The following ASPH variants were observed in gnomAD, a reference collection of about 807,000 sequenced individuals.
ASPH encodes aspartyl/asparaginyl beta-hydroxylase.
A neutral mutation model predicts 118.4 loss-of-function variants in ASPH; 100 were observed. The observed-to-expected ratio is 0.84, with a 90% CI of 0.72 to 1.00. ASPH has a LOEUF of 1.00. ASPH is among the 50% of genes least tolerant of loss of function. The probability of loss-of-function intolerance (pLI) is 0.00; values close to 1 mark genes in which losing one functional copy is unlikely to be tolerated. For missense variants in ASPH, 920 were observed against 919.5 expected (o/e 1.00, Z -0.01); for synonymous variants, 315 against 325.6 (o/e 0.97, Z 0.35).
At chr8:61,574,538 G>A (rs56194318) in intron 16 of ASPH, among the ~76,000 whole-genome samples, 11,237 of 151,628 alleles carry the variant, frequency 0.074, 619 homozygotes, top group East Asian at 0.27. Flanking sequence ...ATGAGTTCAC[G>A]TCTTTTACAG....
chr8:61,707,687 C>T (rs373305761), intron 1 of ASPH, among the ~76,000 whole-genome samples: 1 of 151,974 alleles, frequency 6.6e-6, no homozygotes, highest in East Asian at 1.9e-4. Flanking sequence ...AAGTGGCCTG[C>T]GATAGGATGG....
intron 12 of ASPH, among the ~76,000 whole-genome samples, chr8:61,637,638 C>A (rs1162064456): frequency 3.3e-5 from 5 of 152,168 alleles, no homozygotes; most frequent in Admixed American, 6.5e-5. Context: ...CCAGATCACC[C>A]CTCAGGGGTG....
intron 18 of ASPH, among the ~76,000 whole-genome samples, chr8:61,560,209 C>T (rs1829326564): frequency 6.6e-6 from 1 of 151,992 alleles, no homozygotes; most frequent in Non-Finnish European, 1.5e-5. Context: ...GCGGGTGAGT[C>T]AGGAGTGGCA....
intron 20 of ASPH, among the ~76,000 whole-genome samples, chr8:61,550,178 TA>T (rs1026414906): frequency 6.6e-6 from 1 of 152,114 alleles, no homozygotes; most frequent in Non-Finnish European, 1.5e-5. Flanking sequence ...AAAAAAAACC[TA>T]AACTACTTTA....
rs77580086 is a variant in ASPH, at chr8:61,707,210, A to G, written c.103+7059T>C. Reference sequence around the variant, plus strand: ...AAACACAGACTAGGAGAAGTCCTTTATCAAAAATAATCAAAAGGTTCAGGA... The same window carrying G: ...AAACACAGACTAGGAGAAGTCCTTTGTCAAAAATAATCAAAAGGTTCAGGA... On this transcript the variant is annotated intron_variant, in intron 1 of 24. Coordinates refer to ENST00000379454, the MANE Select transcript of ASPH (RefSeq NM_004318.4). Among the ~76,000 whole-genome samples, 1,039 of 151,784 alleles carry G rather than the reference A, an allele frequency of 6.8e-3. 9 individuals carry two copies. The highest frequency in any genetic ancestry group is 0.027 in the Middle Eastern group (8 of 294).
At chr8:61,518,835 CCAT>C (rs1379765676) in intron 22 of ASPH, among the ~76,000 whole-genome samples, 3 of 152,128 alleles carry the variant, frequency 2.0e-5, no homozygotes, top group Non-Finnish European at 2.9e-5. Flanking sequence ...GGCAGCGTGT[CCAT>C]CATCATTAGT....
chr8:61,670,901 C>A (rs956524023), intron 3 of ASPH, among the ~76,000 whole-genome samples: 3 of 151,900 alleles, frequency 2.0e-5, no homozygotes, highest in African/African-American at 7.3e-5. Context: ...GCAAAATCAT[C>A]TCTACAGAGG....
intron 14 of ASPH, among the ~76,000 whole-genome samples, chr8:61,591,092 T>A (rs562826594): frequency 6.6e-6 from 1 of 152,302 alleles, no homozygotes; most frequent in South Asian, 2.1e-4. Context: ...GATTGTTAAT[T>A]TCTGAACTGT....
intron 24 of ASPH, among the ~76,000 whole-genome samples, chr8:61,513,305 C>T (rs1185230740): frequency 6.6e-6 from 1 of 152,146 alleles, no homozygotes; most frequent in African/African-American, 2.4e-5. Flanking sequence ...TCTTTCTGTC[C>T]TCAGAGTTTA....
chr8:61,578,396 C>G, intron 15 of ASPH: 1 of 1,604,140 alleles, frequency 6.2e-7, no homozygotes, highest in Non-Finnish European at 8.5e-7. Context: ...GGGCCAGCGG[C>G]ATGGGAGGCA....
intron 10 of ASPH, among the ~76,000 whole-genome samples, chr8:61,641,048 T>C (rs1382138552): frequency 6.6e-6 from 1 of 152,240 alleles, no homozygotes; most frequent in Non-Finnish European, 1.5e-5. Context: ...TTTTAGCATA[T>C]AGTGAATAAT....
At chr8:61,662,152 A>G (rs1817251702) in intron 3 of ASPH, among the ~76,000 whole-genome samples, 1 of 152,144 alleles carries the variant, frequency 6.6e-6, no homozygotes, top group Non-Finnish European at 1.5e-5. Flanking sequence ...ATTGATTAGC[A>G]CTCAAATATT....
chr8:61,663,036 A>T (rs1261599920), intron 3 of ASPH: 1 of 985,322 alleles, frequency 1.0e-6, no homozygotes, highest in Non-Finnish European at 1.2e-6. Flanking sequence ...AGAACAAAAA[A>T]TCTTTAGTGA....
At chr8:61,643,670 C>T (rs1473459886) in intron 8 of ASPH, among the ~76,000 whole-genome samples, 1 of 152,150 alleles carries the variant, frequency 6.6e-6, no homozygotes, top group Admixed American at 6.5e-5. Flanking sequence ...CATCATACTG[C>T]CCCTTCAATT....
At chr8:61,638,400 T>C (rs1256267734) in intron 10 of ASPH, 37 bp from the exon 11 acceptor site, 1 of 1,513,810 alleles carries the variant, frequency 6.6e-7, no homozygotes, top group Non-Finnish European at 9.0e-7. Flanking sequence ...TCCCGTAACT[T>C]TCATTGTAAC....
chr8:61,689,275 G>C (rs1433966049), intron 1 of ASPH, among the ~76,000 whole-genome samples: 1 of 152,036 alleles, frequency 6.6e-6, no homozygotes, highest in Non-Finnish European at 1.5e-5. Context: ...AACCAGGTAA[G>C]TCTGTTCATT....
intron 3 of ASPH, among the ~76,000 whole-genome samples, chr8:61,678,507 G>T (rs1320826483): frequency 1.3e-5 from 2 of 151,958 alleles, no homozygotes; most frequent in Non-Finnish European, 2.9e-5. Context: ...ATGGTTAGGG[G>T]TCTTGATTTA....
chr8:61,690,873 A>G (rs1027882859), intron 1 of ASPH, among the ~76,000 whole-genome samples: 6 of 152,140 alleles, frequency 3.9e-5, no homozygotes, highest in Non-Finnish European at 7.4e-5. Flanking sequence ...CACTAGATCA[A>G]TTTTTCAAAA....
chr8:61,632,671 G>A (rs1856108413), intron 13 of ASPH: 2 of 494,254 alleles, frequency 4.0e-6, no homozygotes, highest in Non-Finnish European at 8.0e-6. Flanking sequence ...ATTTGTTTCT[G>A]CAGATAATTA....
Sources: gnomAD v4.1 joint callset for allele counts (sites outside exome capture counted in the v4.1 genomes callset) on GRCh38, gnomAD v4.1.1 for gene constraint, MANE v1.5 for transcripts, NCBI Gene and HGNC (gene_info 2026-07-23, HGNC 2026-07-21) for gene names.